GSKIP: variants seen among roughly 807,000 people sequenced by gnomAD.
GSKIP encodes GSK3B interacting protein, also known as GSK3B-interacting protein.
GSKIP carries 5 observed loss-of-function variants against 11.9 expected under a neutral mutation model. That is an observed-to-expected ratio of 0.42 (90% CI 0.22 to 0.89). The LOEUF is 0.89. GSKIP is among the 40% of genes least tolerant of loss of function. The pLI, the probability that GSKIP is intolerant of heterozygous loss-of-function variation, is 0.29. For missense variants in GSKIP, 150 were observed against 166.6 expected, an observed-to-expected ratio of 0.90 and a Z score of 0.55; for synonymous variants, 70 against 62.9, an observed-to-expected ratio of 1.11 and a Z score of -0.54.
intron 1 of GSKIP, chr14:96,365,343 A>G (rs961193808): frequency 5.9e-5 from 9 of 151,872 alleles, no homozygotes; most frequent in Non-Finnish European, 1.2e-4. Context: ...AGGCACATGT[A>G]TACCTGGAAG....
At chr14:96,366,677 T>C (rs1018849432) in intron 1 of GSKIP, among the ~76,000 whole-genome samples, 2 of 152,224 alleles carry the variant, frequency 1.3e-5, no homozygotes, top group African/African-American at 2.4e-5. Flanking sequence ...AAGGATCACC[T>C]GAGACCAGGA....
chr14:96,375,922 A>G (rs951454674), intron 1 of GSKIP, among the ~76,000 whole-genome samples: 44 of 152,198 alleles, frequency 2.9e-4, no homozygotes, highest in Admixed American at 2.9e-3. Flanking sequence ...TTCCACTTGC[A>G]TGATAACCCA....
chr14:96,371,974 A>G (rs768761026), intron 1 of GSKIP, among the ~76,000 whole-genome samples: 1 of 152,162 alleles, frequency 6.6e-6, no homozygotes, highest in Non-Finnish European at 1.5e-5. Flanking sequence ...TTTCATGCCA[A>G]TATTCCTCAC....
At chr14:96,365,678 T>TA (rs1345454256) in intron 1 of GSKIP, among the ~76,000 whole-genome samples, 1 of 151,510 alleles carries the variant, frequency 6.6e-6, no homozygotes, top group Non-Finnish European at 1.5e-5. Flanking sequence ...CAAAAATATA[T>TA]AAAAAATCAG....
intron 1 of GSKIP, among the ~76,000 whole-genome samples, chr14:96,374,369 T>C (rs1889139811): frequency 6.6e-6 from 1 of 152,066 alleles, no homozygotes; most frequent in Admixed American, 6.5e-5. Flanking sequence ...GGCCAGAAAT[T>C]TTCCAAATTT....
chr14:96,366,748 A>T (rs193083084), intron 1 of GSKIP, among the ~76,000 whole-genome samples: 34 of 151,750 alleles, frequency 2.2e-4, no homozygotes, highest in South Asian at 6.8e-4. Flanking sequence ...AATAAATTTT[A>T]AAAAAGAAAA....
chr14:96,373,600 TAA>T (rs78536117), intron 1 of GSKIP, among the ~76,000 whole-genome samples: 4 of 144,288 alleles, frequency 2.8e-5, no homozygotes, highest in African/African-American at 5.1e-5. Context: ...GTTCTTCCAT[TAA>T]AAAAAAAAAA....
Position 96,383,268 on chromosome 14 carries a change from C to T in GSKIP, c.258+763C>T, listed in dbSNP as rs528013393. Among the ~76,000 whole-genome samples, 10 of 152,104 alleles carry T rather than the reference C, an allele frequency of 6.6e-5. No homozygotes were observed. The South Asian group carries it at 2.1e-3, about 32-fold the overall frequency. On this transcript the variant is annotated intron_variant, in intron 3 of 3. Coordinates refer to ENST00000555181, the MANE Select transcript of GSKIP (RefSeq NM_016472.5). ...CTACAATATATTTTTTGTTAATTAA[C>T]CCAACATGGCAGCACTTGCCTGTAA...
At chr14:96,374,915 ATAT>A (rs1889154255) in intron 1 of GSKIP, among the ~76,000 whole-genome samples, 1 of 152,006 alleles carries the variant, frequency 6.6e-6, no homozygotes, top group Non-Finnish European at 1.5e-5. Flanking sequence ...AATGGTAATT[ATAT>A]ATTACATATA....
intron 1 of GSKIP, among the ~76,000 whole-genome samples, chr14:96,375,993 T>G (rs537513996): frequency 1.7e-4 from 26 of 152,318 alleles, no homozygotes; most frequent in Admixed American, 1.4e-3. Flanking sequence ...CATGACCCAG[T>G]CACCTCTTAA....
At chr14:96,373,793 C>T (rs1172965221) in intron 1 of GSKIP, among the ~76,000 whole-genome samples, 1 of 152,132 alleles carries the variant, frequency 6.6e-6, no homozygotes, top group Non-Finnish European at 1.5e-5. Context: ...AAAAGCAAGA[C>T]CCAGAAAGAT....
chr14:96,374,943 ATCTC>A (rs1449534468), intron 1 of GSKIP, among the ~76,000 whole-genome samples: 1 of 151,720 alleles, frequency 6.6e-6, no homozygotes, highest in Non-Finnish European at 1.5e-5. Context: ...GACTTATCTA[ATCTC>A]TCTGAAAAAT....
At chr14:96,372,837 C>G (rs951326524) in intron 1 of GSKIP, among the ~76,000 whole-genome samples, 1 of 152,182 alleles carries the variant, frequency 6.6e-6, no homozygotes, top group Non-Finnish European at 1.5e-5. Context: ...TCACAGAAAG[C>G]AAGGACTGTG....
At chr14:96,373,338 G>C (rs1889107507) in intron 1 of GSKIP, among the ~76,000 whole-genome samples, 1 of 151,444 alleles carries the variant, frequency 6.6e-6, no homozygotes, top group Non-Finnish European at 1.5e-5. Context: ...AGACTAAGTT[G>C]CTGGATCTTC....
rs149577622 is a variant in GSKIP, at chr14:96,382,420, G to T, written c.173G>T (p.Arg58Leu). ...VNNMFVSKSL[R>L]CADDVAYINV... ...AACATGTTTGTCTCGAAAAGCCTGC[G>T]GTGTGCGGATGATGTGGCCTATATC... Residue 58 changes from arginine (R) to leucine (L), a missense_variant, in exon 3 of 4, where the codon CGG (arginine) becomes CTG (leucine). Transcript: ENST00000555181. The T allele has an allele frequency of 6.2e-7, 1 of 1,613,324 alleles. No homozygotes were observed. The highest frequency in any genetic ancestry group is 2.2e-5 in the East Asian group (1 of 44,874).
intron 1 of GSKIP, among the ~76,000 whole-genome samples, chr14:96,365,853 T>C (rs191452867): frequency 6.6e-6 from 1 of 151,912 alleles, no homozygotes; most frequent in African/African-American, 2.4e-5. Flanking sequence ...AAAAGAACTT[T>C]GGCCTTTACT....
intron 1 of GSKIP, among the ~76,000 whole-genome samples, chr14:96,368,669 C>G (rs1459537916): frequency 6.6e-6 from 1 of 152,088 alleles, no homozygotes; most frequent in Non-Finnish European, 1.5e-5. Context: ...GGGTGGATCC[C>G]TCATGAATGG....
intron 3 of GSKIP, among the ~76,000 whole-genome samples, chr14:96,383,865 A>G (rs1420004260): frequency 6.6e-6 from 1 of 152,160 alleles, no homozygotes; most frequent in Non-Finnish European, 1.5e-5. Context: ...CTTAAATCAG[A>G]AGTAGAGATA....
chr14:96,382,379 T>C lies in GSKIP; in HGVS notation c.132T>C (p.Val44=), dbSNP rs748745985. 24 of 1,614,016 alleles carry C rather than the reference T, an allele frequency of 1.5e-5. No homozygotes were observed. The South Asian group carries it at 2.6e-4, about 18-fold the overall frequency. ...RLEAEAVVND[V]LFAVNNMFVS... is the part of the protein sequence containing the mutation. ...AAGCTGAAGCAGTTGTAAATGATGT[T>C]CTCTTTGCTGTTAACAACATGTTTG... Residue 44 remains valine, a synonymous_variant, in exon 3 of 4, where the codon GTT becomes GTC. Transcript: ENST00000555181.
Sources: allele counts gnomAD v4.1 joint callset (sites outside exome capture counted in the v4.1 genomes callset), GRCh38; gene constraint gnomAD v4.1.1; transcripts MANE v1.5; gene names NCBI Gene and HGNC (gene_info 2026-07-23, HGNC 2026-07-21).